UGCG: variants seen among roughly 807,000 people sequenced by gnomAD.
UGCG encodes the protein ceramide glucosyltransferase.
A neutral mutation model predicts 49.5 loss-of-function variants in UGCG; 10 were observed. The observed-to-expected ratio is 0.20, with a 90% confidence interval of 0.12 to 0.34. UGCG has a LOEUF of 0.34. Among genes scored for constraint, UGCG ranks in the 10% least tolerant of loss-of-function variants. UGCG has a pLI of 1.00. For synonymous variants in UGCG, 182 were observed against 158.2 expected (o/e 1.15, Z -1.13); for missense variants, 312 against 483.7 (o/e 0.65, Z 3.33).
intron 2 of UGCG, among the ~76,000 whole-genome samples, chr9:111,916,115 T>C (rs1413288389): frequency 6.6e-6 from 1 of 152,048 alleles, no homozygotes; most frequent in African/African-American, 2.4e-5. Context: ...CCTTTTGTAA[T>C]TGAGAAAGAT....
At chr9:111,912,457 T>C (rs1838029411) in intron 1 of UGCG, among the ~76,000 whole-genome samples, 1 of 151,964 alleles carries the variant, frequency 6.6e-6, no homozygotes, top group African/African-American at 2.4e-5. Flanking sequence ...TGCATGCCTG[T>C]AATCCCAGCT....
In UGCG at chr9:111,897,191, C is replaced by T; in HGVS notation, c.-25C>T. Reference sequence around the variant, plus strand: ...TGTCCGTGTTGGCGGCCGCAGCGGGCCGGGCCGGTCCGGCGGGCCGGGGGA... The same window carrying T: ...TGTCCGTGTTGGCGGCCGCAGCGGGTCGGGCCGGTCCGGCGGGCCGGGGGA... On this transcript the variant is annotated 5_prime_UTR_variant, in exon 1 of 9. Coordinates refer to ENST00000374279, the MANE Select transcript of UGCG (RefSeq NM_003358.3). The T allele has an allele frequency of 6.5e-7, 1 of 1,536,554 alleles. No individual in the cohort carries two copies.
At chr9:111,897,457 C>T in intron 1 of UGCG, 144 bp downstream of exon 1, 1 of 656,356 alleles carries the variant, frequency 1.5e-6, no homozygotes. Flanking sequence ...CCCCCGTTCC[C>T]TCGCCCCTCG....
At chr9:111,904,265 A>G (rs1010508016) in intron 1 of UGCG, among the ~76,000 whole-genome samples, 2 of 152,180 alleles carry the variant, frequency 1.3e-5, no homozygotes, top group African/African-American at 4.8e-5. Context: ...TGAAAATCCT[A>G]CAGAGGGTAA....
intron 2 of UGCG, chr9:111,915,044 C>A: frequency 4.3e-6 from 1 of 234,926 alleles, no homozygotes; most frequent in Non-Finnish European, 8.4e-6. Context: ...AATTTTCTTC[C>A]ATAAGAGCTG....
intron 1 of UGCG, among the ~76,000 whole-genome samples, chr9:111,910,585 C>T (rs16916456): frequency 0.14 from 20,989 of 152,060 alleles, 1,966 homozygotes; most frequent in African/African-American, 0.27. Flanking sequence ...AACTGTCATT[C>T]CTAGAACTTG....
At position 111,914,680 on chromosome 9, in the gene UGCG, A is replaced by G. The variant is rs1237345862; in HGVS notation, c.174A>G (p.Pro58=). The G allele has an allele frequency of 6.2e-7, 1 of 1,614,116 alleles. No homozygotes were observed. The highest frequency in any genetic ancestry group is 8.5e-7 in the Non-Finnish European group (1 of 1,179,992). ...SKLPGVSLLK[P]LKGVDPNLIN... ...TCCCAGGTGTCTCTCTTCTGAAACCACTGAAAGGGGTAGATCCTAACTTAA... is the reference window on the plus strand; with the variant it reads ...TCCCAGGTGTCTCTCTTCTGAAACCGCTGAAAGGGGTAGATCCTAACTTAA... The change falls in exon 2 of 9, where the codon CCA becomes CCG. Residue 58 remains proline, a synonymous_variant. Transcript: ENST00000374279.
At chr9:111,917,249 AGAG>A (rs1255883588) in intron 2 of UGCG, among the ~76,000 whole-genome samples, 3 of 152,242 alleles carry the variant, frequency 2.0e-5, no homozygotes, top group African/African-American at 4.8e-5. Flanking sequence ...TTTGGAAAGC[AGAG>A]GAGAAGTGCA....
intron 3 of UGCG, among the ~76,000 whole-genome samples, chr9:111,923,476 A>G (rs1028158316): frequency 6.6e-6 from 1 of 151,976 alleles, no homozygotes; most frequent in Non-Finnish European, 1.5e-5. Context: ...TAAATTTTTT[A>G]TTAGCTTAAA....
At position 111,911,455 on chromosome 9, in the gene UGCG, A is replaced by G. The variant is rs1589520861; in HGVS notation, c.99-3150A>G. Among the ~76,000 whole-genome samples the G allele has an allele frequency of 2.6e-5, 4 of 152,170 alleles. No homozygotes were observed. The East Asian group carries it at 7.7e-4, about 29-fold the overall frequency. On this transcript the variant is annotated intron_variant, in intron 1 of 8. Coordinates refer to ENST00000374279, the MANE Select transcript of UGCG (RefSeq NM_003358.3). ...AATGTGTGTATATATTTTGACTTGT[A>G]TATGCATTTTTAAAACCTCTGGAAG... is the stretch of plus-strand genomic sequence containing the variant.
chr9:111,898,337 A>G (rs187778203), intron 1 of UGCG, among the ~76,000 whole-genome samples: 1 of 152,222 alleles, frequency 6.6e-6, no homozygotes, highest in Non-Finnish European at 1.5e-5. Context: ...CATGAACTAG[A>G]ATAGAGTGTA....
chr9:111,898,449 CTG>C (rs1330676541), intron 1 of UGCG, among the ~76,000 whole-genome samples: 2 of 150,258 alleles, frequency 1.3e-5, no homozygotes. Flanking sequence ...TTTGGAAACA[CTG>C]TATTTTATTA....
intron 1 of UGCG, among the ~76,000 whole-genome samples, chr9:111,904,600 C>T (rs1837841942): frequency 6.6e-6 from 1 of 152,186 alleles, no homozygotes; most frequent in African/African-American, 2.4e-5. Context: ...GTGGCTCACA[C>T]CTGTAATCCC....
chr9:111,918,927 A>AG (rs1407867303), intron 2 of UGCG, among the ~76,000 whole-genome samples: 1 of 140,906 alleles, frequency 7.1e-6, no homozygotes, highest in Non-Finnish European at 1.5e-5. Context: ...TCCGTCTCAA[A>AG]AAAAAAAAAC....
chr9:111,905,700 C>T (rs1229351518), intron 1 of UGCG, among the ~76,000 whole-genome samples: 8 of 152,016 alleles, frequency 5.3e-5, no homozygotes, highest in Non-Finnish European at 8.8e-5. Context: ...GTGATCCACC[C>T]GCCTCAGCCT....
chr9:111,926,816 T>G (rs1355563975), intron 5 of UGCG, among the ~76,000 whole-genome samples: 1 of 150,800 alleles, frequency 6.6e-6, no homozygotes, highest in Non-Finnish European at 1.5e-5. Context: ...TATTGTTCTT[T>G]CAAACATTCG....
Position 111,924,878 on chromosome 9 carries a change from G to T in UGCG, c.445G>T (p.Val149Leu). 6.8e-7 allele frequency: 1 copy of T among 1,461,082 alleles called. No homozygotes were observed. Among genetic ancestry groups the T allele is most frequent in the South Asian group, 1.6e-5 (1 of 64,170 alleles). The allele number at this position is 1,461,082 out of a possible 1,614,324, so 90.5% of individuals were successfully genotyped here. The change falls in exon 4 of 9, where the codon GTA becomes TTA. Residue 149 changes from valine (V) to leucine (L), a missense_variant and splice_region_variant. Val to Leu is a conservative substitution (Grantham distance 32). This residue lies in a region of UGCG where 180 missense variants were observed against 320.4 expected (regional missense o/e 0.56). Coordinates refer to ENST00000374279, the MANE Select transcript of UGCG (RefSeq NM_003358.3). ...LIWICDSGIRVIPDTLTDMVN... is the reference protein window; with the variant it reads ...LIWICDSGIRLIPDTLTDMVN... ...ATGGATTTGTGATAGTGGAATAAGA[G>T]GTGAGGTTTTTTTCTTATTTATTTT...
chr9:111,927,163 G>A (rs62570266), intron 5 of UGCG, among the ~76,000 whole-genome samples: 2,803 of 152,056 alleles, frequency 0.018, 37 homozygotes, highest in Non-Finnish European at 0.029. Context: ...GAGCCACTGC[G>A]CCCAGCCCTC....
At chr9:111,911,734 TAAAAAAATAAAA>T (rs1202505775) in intron 1 of UGCG, among the ~76,000 whole-genome samples, 1 of 150,618 alleles carries the variant, frequency 6.6e-6, no homozygotes, top group Non-Finnish European at 1.5e-5. Context: ...CCCATCTCCA[TAAAAAAATAAAA>T]AAATTAGCCT....
Sources: gnomAD v4.1 joint callset for allele counts (sites outside exome capture counted in the v4.1 genomes callset) on GRCh38, gnomAD v4.1.1 for gene constraint, gnomAD v4.1.1 regional missense constraint, MANE v1.5 for transcripts, NCBI Gene and HGNC (gene_info 2026-07-23, HGNC 2026-07-21) for gene names.